RBMS1: variants seen among roughly 807,000 people sequenced by gnomAD.
RBMS1 encodes the protein RNA binding motif single stranded interacting protein 1.
Under a neutral mutation model 62.3 loss-of-function variants are expected in RBMS1, and 17 were observed. That is an observed-to-expected ratio of 0.27 (90% CI 0.19 to 0.41). The LOEUF is 0.41. RBMS1 is among the 10% of genes least tolerant of loss of function. The pLI, the probability that RBMS1 is intolerant of heterozygous loss-of-function variation, is 1.00. For missense variants in RBMS1, 334 were observed against 504.5 expected (o/e 0.66, Z 3.24); for synonymous variants, 172 against 170.0 (o/e 1.01, Z -0.09).
chr2:160,362,556 T>C (rs1350741463), intron 2 of RBMS1, among the ~76,000 whole-genome samples: 4 of 152,170 alleles, frequency 2.6e-5, no homozygotes, highest in East Asian at 1.9e-4. Flanking sequence ...ATAACATTTA[T>C]TGATTAAGTC....
At chr2:160,438,777 T>C (rs1001839771) in intron 1 of RBMS1, among the ~76,000 whole-genome samples, 33 of 152,330 alleles carry the variant, frequency 2.2e-4, no homozygotes, top group South Asian at 1.0e-3. Flanking sequence ...CTGTTGGGTA[T>C]ACCTCCCAGA....
chr2:160,384,881 G>T (rs540582564), intron 1 of RBMS1, among the ~76,000 whole-genome samples: 14 of 152,310 alleles, frequency 9.2e-5, no homozygotes, highest in Non-Finnish European at 4.4e-5. Context: ...CTGGTGGGGG[G>T]TTTGAATCAT....
intron 1 of RBMS1, among the ~76,000 whole-genome samples, chr2:160,440,732 C>T (rs1251724104): frequency 6.6e-6 from 1 of 152,198 alleles, no homozygotes; most frequent in Non-Finnish European, 1.5e-5. Flanking sequence ...TCTTATAGCA[C>T]AGACGTATTT....
At chr2:160,346,089 T>G (rs1692159263) in intron 2 of RBMS1, among the ~76,000 whole-genome samples, 1 of 152,120 alleles carries the variant, frequency 6.6e-6, no homozygotes, top group Non-Finnish European at 1.5e-5. Flanking sequence ...TCTTTAGGGT[T>G]TTCTCAACCA....
chr2:160,485,563 C>G (rs1355015469), intron 1 of RBMS1, among the ~76,000 whole-genome samples: 1 of 152,040 alleles, frequency 6.6e-6, no homozygotes, highest in Non-Finnish European at 1.5e-5. Flanking sequence ...AAATGAATTT[C>G]AAGTTTTAAA....
At chr2:160,428,532 T>C (rs1574046894) in intron 1 of RBMS1, among the ~76,000 whole-genome samples, 1 of 152,004 alleles carries the variant, frequency 6.6e-6, no homozygotes, top group African/African-American at 2.4e-5. Flanking sequence ...AAAAAAACTC[T>C]ATGGATTCTT....
At chr2:160,477,435 T>G (rs1013313846) in intron 1 of RBMS1, among the ~76,000 whole-genome samples, 4 of 152,148 alleles carry the variant, frequency 2.6e-5, no homozygotes, top group African/African-American at 9.7e-5. Flanking sequence ...GGACAGAGTC[T>G]CACTCTGTCA....
intron 1 of RBMS1, among the ~76,000 whole-genome samples, chr2:160,454,280 T>C (rs755856636): frequency 2.0e-5 from 3 of 152,252 alleles, no homozygotes; most frequent in Admixed American, 6.5e-5. Context: ...TTTCATGCAA[T>C]GTTACATGAG....
At chr2:160,349,954 G>A (rs1204826795) in intron 2 of RBMS1, among the ~76,000 whole-genome samples, 1 of 151,942 alleles carries the variant, frequency 6.6e-6, no homozygotes, top group East Asian at 1.9e-4. Flanking sequence ...TGAAGGATAT[G>A]AAGGAACAAG....
At chr2:160,467,474 G>A (rs1047037293) in intron 1 of RBMS1, among the ~76,000 whole-genome samples, 1 of 152,174 alleles carries the variant, frequency 6.6e-6, no homozygotes, top group African/African-American at 2.4e-5. Context: ...CCAAACGTCA[G>A]AGAGGTTTAG....
At chr2:160,277,202 G>T in intron 12 of RBMS1, 101 bp downstream of exon 12, 1 of 1,091,386 alleles carries the variant, frequency 9.2e-7, no homozygotes, top group Non-Finnish European at 1.4e-6. Flanking sequence ...AATTCTTTAT[G>T]CAAATATTTG....
At chr2:160,420,222 C>T (rs1036022200) in intron 1 of RBMS1, among the ~76,000 whole-genome samples, 18 of 152,162 alleles carry the variant, frequency 1.2e-4, no homozygotes. Flanking sequence ...CACTTTCTAA[C>T]TCCCTTGTCC....
intron 1 of RBMS1, among the ~76,000 whole-genome samples, chr2:160,443,065 G>A (rs1245007523): frequency 1.3e-5 from 2 of 152,092 alleles, no homozygotes; most frequent in African/African-American, 2.4e-5. Context: ...AATTAGCCGG[G>A]TGTGGTGGCG....
At chr2:160,307,288 C>T (rs1689585252) in intron 4 of RBMS1, among the ~76,000 whole-genome samples, 1 of 148,414 alleles carries the variant, frequency 6.7e-6, no homozygotes, top group East Asian at 2.1e-4. Flanking sequence ...TGACTGCAAA[C>T]TGCTCAGAGC....
intron 1 of RBMS1, among the ~76,000 whole-genome samples, chr2:160,400,638 C>CAT (rs1311578660): frequency 1.3e-5 from 2 of 152,070 alleles, no homozygotes; most frequent in Non-Finnish European, 2.9e-5. Context: ...TATGAAATTT[C>CAT]ATATATATAG....
intron 1 of RBMS1, among the ~76,000 whole-genome samples, chr2:160,478,908 CA>C (rs1309040502): frequency 6.6e-6 from 1 of 152,138 alleles, no homozygotes; most frequent in Non-Finnish European, 1.5e-5. Context: ...GCCCACCTGC[CA>C]AGTGTATTCA....
At chr2:160,483,419 A>T (rs1186872287) in intron 1 of RBMS1, among the ~76,000 whole-genome samples, 1 of 152,228 alleles carries the variant, frequency 6.6e-6, no homozygotes, top group Non-Finnish European at 1.5e-5. Flanking sequence ...TGTTCAAAGT[A>T]TTACATCATG....
At chr2:160,408,158 C>T (rs1422271876) in intron 1 of RBMS1, among the ~76,000 whole-genome samples, 1 of 151,640 alleles carries the variant, frequency 6.6e-6, no homozygotes, top group African/African-American at 2.4e-5. Flanking sequence ...AGTAGCCAAC[C>T]CCCCTCCTCT....
At chr2:160,287,431 T>C (rs1344700838) in intron 6 of RBMS1, among the ~76,000 whole-genome samples, 2 of 152,198 alleles carry the variant, frequency 1.3e-5, no homozygotes, top group East Asian at 3.9e-4. Context: ...TTCAATAGGA[T>C]TGTGCCATCC....
Sources: gnomAD v4.1 joint callset for allele counts (sites outside exome capture counted in the v4.1 genomes callset) on GRCh38, gnomAD v4.1.1 for gene constraint, MANE v1.5 for transcripts, NCBI Gene and HGNC (gene_info 2026-07-23, HGNC 2026-07-21) for gene names.